LPP: variants seen among roughly 807,000 people sequenced by gnomAD.
The protein encoded by LPP is LIM domain containing preferred translocation partner in lipoma.
LPP carries 38 observed loss-of-function variants against 60.4 expected under a neutral mutation model. The observed-to-expected ratio is 0.63, with a 90% confidence interval of 0.49 to 0.83. LPP has a LOEUF of 0.83. LPP is among the 40% of genes least tolerant of loss of function. The pLI, the probability that LPP is intolerant of heterozygous loss-of-function variation, is 0.00. For synonymous variants in LPP, 328 were observed against 290.8 expected, an observed-to-expected ratio of 1.13 and a Z score of -1.30; for missense variants, 902 against 783.6, an observed-to-expected ratio of 1.15 and a Z score of -1.80.
intron 9 of LPP, among the ~76,000 whole-genome samples, chr3:188,775,446 T>C (rs1269376028): frequency 1.3e-5 from 2 of 152,200 alleles, no homozygotes; most frequent in African/African-American, 4.8e-5. Context: ...GTTTAAGACC[T>C]CGTACAGTTC....
At chr3:188,251,191 A>G (rs1167592892) in intron 2 of LPP, among the ~76,000 whole-genome samples, 2 of 149,140 alleles carry the variant, frequency 1.3e-5, no homozygotes, top group Admixed American at 6.7e-5. Context: ...TTCTTGCTAT[A>G]TAATTATTTT....
In LPP at chr3:188,872,629, C is replaced by T. The variant is rs774858089; in HGVS notation, c.1590-14C>T. ...ACGCGCAGTATCTAACCAGAACTCT[C>T]TCTTCACTTTCAGGAAATTTGCCCC... On this transcript the variant is annotated splice_polypyrimidine_tract_variant and intron_variant, in intron 10 of 11. Transcript: ENST00000617246. 4.3e-6 allele frequency: 7 copies of T among 1,613,958 alleles called. No individual in the cohort carries two copies. Among genetic ancestry groups the T allele is most frequent in the Non-Finnish European group, 5.9e-6 (7 of 1,179,986 alleles).
chr3:188,869,567 A>G (rs111408485), intron 10 of LPP, among the ~76,000 whole-genome samples: 5,327 of 152,340 alleles, frequency 0.035, 141 homozygotes, highest in Non-Finnish European at 0.047. Flanking sequence ...CTGGGATTAC[A>G]GGCGTGAGCC....
At chr3:188,291,226 G>A (rs193123109) in intron 2 of LPP, among the ~76,000 whole-genome samples, 7 of 152,284 alleles carry the variant, frequency 4.6e-5, no homozygotes, top group South Asian at 2.1e-4. Flanking sequence ...GTATGTGTGC[G>A]TGTGTGTTTG....
At chr3:188,196,565 CCTT>C (rs1329787017) in intron 1 of LPP, among the ~76,000 whole-genome samples, 7 of 152,308 alleles carry the variant, frequency 4.6e-5, no homozygotes, top group Non-Finnish European at 7.4e-5. Context: ...TCTCAGCTGG[CCTT>C]CTTTTTCTAT....
intron 4 of LPP, among the ~76,000 whole-genome samples, chr3:188,483,880 G>T (rs1805523191): frequency 1.3e-5 from 2 of 152,214 alleles, no homozygotes; most frequent in South Asian, 4.2e-4. Context: ...AGAAATCCTT[G>T]GTGGATCTCT....
At chr3:188,519,769 T>C (rs968780518) in intron 5 of LPP, among the ~76,000 whole-genome samples, 1 of 152,178 alleles carries the variant, frequency 6.6e-6, no homozygotes, top group African/African-American at 2.4e-5. Context: ...CACTGATGAA[T>C]CTGGGTGAAG....
intron 2 of LPP, among the ~76,000 whole-genome samples, chr3:188,283,763 T>C (rs991681691): frequency 7.9e-5 from 12 of 151,804 alleles, no homozygotes; most frequent in Admixed American, 7.2e-4. Context: ...TTAGGAAGGG[T>C]TGTCAGGAGT....
intron 5 of LPP, among the ~76,000 whole-genome samples, chr3:188,523,097 G>C (rs562218885): frequency 2.6e-5 from 4 of 151,748 alleles, no homozygotes; most frequent in African/African-American, 9.7e-5. Context: ...TAGTGGAGAC[G>C]GGTTTCACCA....
intron 2 of LPP, among the ~76,000 whole-genome samples, chr3:188,297,610 CT>C (rs1212182127): frequency 2.6e-5 from 4 of 152,120 alleles, no homozygotes; most frequent in Non-Finnish European, 5.9e-5. Flanking sequence ...AGCTGAACAG[CT>C]ATCTTGGTTA....
At chr3:188,668,769 A>G (rs1856340001) in intron 7 of LPP, among the ~76,000 whole-genome samples, 1 of 152,222 alleles carries the variant, frequency 6.6e-6, no homozygotes, top group Non-Finnish European at 1.5e-5. Flanking sequence ...AATACTCCAA[A>G]GTAAAAAATA....
intron 1 of LPP, among the ~76,000 whole-genome samples, chr3:188,215,653 C>T (rs1713255654): frequency 6.6e-6 from 1 of 152,134 alleles, no homozygotes; most frequent in South Asian, 2.1e-4. Context: ...AATGAATATA[C>T]CACATTTTGT....
At chr3:188,433,621 AG>A (rs1230780275) in intron 4 of LPP, among the ~76,000 whole-genome samples, 2 of 133,806 alleles carry the variant, frequency 1.5e-5, no homozygotes, top group Non-Finnish European at 3.3e-5. Flanking sequence ...AGAGAGAGAG[AG>A]AGAGAGGAGA....
intron 1 of LPP, among the ~76,000 whole-genome samples, chr3:188,168,440 G>A (rs1252145369): frequency 6.6e-6 from 1 of 152,118 alleles, no homozygotes; most frequent in Non-Finnish European, 1.5e-5. Flanking sequence ...AAAAATCAGA[G>A]TCCTGATTTT....
At chr3:188,440,019 C>CTCGTGGTA (rs1470648831) in intron 4 of LPP, among the ~76,000 whole-genome samples, 1 of 152,202 alleles carries the variant, frequency 6.6e-6, no homozygotes, top group Non-Finnish European at 1.5e-5. Context: ...ACTGTGCATT[C>CTCGTGGTA]TCGTGGTACT....
intron 2 of LPP, among the ~76,000 whole-genome samples, chr3:188,339,025 T>C (rs1422219830): frequency 2.0e-5 from 3 of 152,190 alleles, no homozygotes; most frequent in African/African-American, 7.2e-5. Flanking sequence ...TTATCTTACC[T>C]TCATTTACTC....
intron 3 of LPP, among the ~76,000 whole-genome samples, chr3:188,370,408 T>G (rs1005819462): frequency 3.3e-5 from 5 of 152,172 alleles, no homozygotes; most frequent in African/African-American, 7.2e-5. Context: ...TGGGTAACTC[T>G]CTAGCAATCC....
At position 188,873,195 on chromosome 3, in the gene LPP, C is replaced by T. The variant is rs73888961; in HGVS notation, c.1710+432C>T. On this transcript the variant is annotated intron_variant, in intron 11 of 11. Transcript: ENST00000617246. ...ACTACTAATTGCTCAGTTTCCTGAACGCCTCTAGAGCTGCAGTATATCTGC... is the reference window on the plus strand; with the variant it reads ...ACTACTAATTGCTCAGTTTCCTGAATGCCTCTAGAGCTGCAGTATATCTGC... Among the ~76,000 whole-genome samples, 840 of 152,274 alleles carry T rather than the reference C, an allele frequency of 5.5e-3. 8 individuals carry two copies. Among genetic ancestry groups the T allele is most frequent in the African/African-American group, 0.019 (776 of 41,532 alleles).
chr3:188,539,015 G>A (rs887845696), intron 6 of LPP, among the ~76,000 whole-genome samples: 1 of 152,156 alleles, frequency 6.6e-6, no homozygotes, highest in South Asian at 2.1e-4. Context: ...GCCAGGGGGA[G>A]GGGACAATAC....
Sources: allele counts gnomAD v4.1 joint callset (sites outside exome capture counted in the v4.1 genomes callset), GRCh38; gene constraint gnomAD v4.1.1; transcripts MANE v1.5; gene names NCBI Gene and HGNC (gene_info 2026-07-23, HGNC 2026-07-21).